ADGB: variants seen among roughly 807,000 people sequenced by gnomAD.
The protein encoded by ADGB is calpain-7-like protein.
A neutral mutation model predicts 210.5 loss-of-function variants in ADGB; 172 were observed. That is an observed-to-expected ratio of 0.82 (90% CI 0.72 to 0.93). The LOEUF is 0.93. ADGB is among the 40% of genes least tolerant of loss of function. The pLI is 0.00. For synonymous variants in ADGB, 658 were observed against 662.7 expected (o/e 0.99, Z 0.11); for missense variants, 2,025 against 1,964.8 (o/e 1.03, Z -0.58).
chr6:146,756,981 C>T (rs1562293562), intron 27 of ADGB, among the ~76,000 whole-genome samples: 1 of 151,996 alleles, frequency 6.6e-6, no homozygotes, highest in Admixed American at 6.6e-5. Context: ...CCTGCATCAG[C>T]TTCCCCAAGG....
chr6:146,716,450 G>C (rs1035130192), intron 14 of ADGB, among the ~76,000 whole-genome samples: 1 of 141,798 alleles, frequency 7.1e-6, no homozygotes, highest in African/African-American at 3.1e-5. Flanking sequence ...AAAATTAGCC[G>C]GGCGCGGTGG....
rs879633707 is a variant in ADGB, at chr6:146,815,418, A to G, written c.*201A>G. Reference sequence around the variant, plus strand: ...GAGTTTAAGATGCTCTAATTTCAATAAAATAGCTTCCAAATATTTAATAAA... The same window carrying G: ...GAGTTTAAGATGCTCTAATTTCAATGAAATAGCTTCCAAATATTTAATAAA... On this transcript the variant is annotated 3_prime_UTR_variant, in exon 36 of 36. Transcript: ENST00000397944. The G allele has an allele frequency of 2.9e-6, 1 of 347,022 alleles. No homozygotes were observed. The highest frequency in any genetic ancestry group is 5.1e-6 in the Non-Finnish European group (1 of 197,986). 21.5% of individuals were successfully genotyped at this position (347,022 alleles called of 1,614,324 possible).
chr6:146,760,762 T>G (rs1043314961), intron 27 of ADGB, among the ~76,000 whole-genome samples: 1 of 151,926 alleles, frequency 6.6e-6, no homozygotes, highest in Non-Finnish European at 1.5e-5. Context: ...TTTCTTACAT[T>G]TATTGCTGTC....
At chr6:146,740,835 A>G (rs1777154743) in intron 24 of ADGB, among the ~76,000 whole-genome samples, 1 of 152,162 alleles carries the variant, frequency 6.6e-6, no homozygotes, top group South Asian at 2.1e-4. Flanking sequence ...AAAATACTAT[A>G]ACAAATTAAT....
chr6:146,808,087 C>T (rs1778241194), intron 35 of ADGB, among the ~76,000 whole-genome samples: 1 of 144,246 alleles, frequency 6.9e-6, no homozygotes, highest in Non-Finnish European at 1.5e-5. Flanking sequence ...GCAACCTCTG[C>T]CTCCCAGGTT....
intron 33 of ADGB, among the ~76,000 whole-genome samples, chr6:146,800,760 A>T (rs1174445831): frequency 6.6e-6 from 1 of 152,188 alleles, no homozygotes; most frequent in African/African-American, 2.4e-5. Context: ...ATGTAAAAAA[A>T]ATCTATTTAT....
In ADGB at chr6:146,740,608, T is replaced by C. The variant is rs531275262; in HGVS notation, c.3023+15T>C. On this transcript the variant is annotated intron_variant, in intron 24 of 35. Coordinates refer to ENST00000397944, the MANE Select transcript of ADGB (RefSeq NM_024694.4). ...ATAGTATTCAGGTGAGGTTGTTATA[T>C]AGTGACAAATATGTCTCTAAATGGC... 2.6e-5 allele frequency: 40 copies of C among 1,547,740 alleles called. No homozygotes were observed. In the East Asian group the frequency reaches 9.1e-4, roughly 35 times the overall value.
chr6:146,629,802 C>T (rs1781032429), intron 1 of ADGB, among the ~76,000 whole-genome samples: 1 of 152,136 alleles, frequency 6.6e-6, no homozygotes, highest in Non-Finnish European at 1.5e-5. Flanking sequence ...CTATTCTAGT[C>T]ATCCTTACTC....
chr6:146,627,148 A>G (rs1780985126), intron 1 of ADGB, among the ~76,000 whole-genome samples: 1 of 151,960 alleles, frequency 6.6e-6, no homozygotes, highest in Admixed American at 6.6e-5. Flanking sequence ...GTGCAAAAGT[A>G]ATTGCTGTTT....
intron 33 of ADGB, among the ~76,000 whole-genome samples, chr6:146,797,949 A>C (rs1356391916): frequency 6.6e-6 from 1 of 151,222 alleles, no homozygotes; most frequent in Non-Finnish European, 1.5e-5. Flanking sequence ...AAATAAGTAA[A>C]TAGTTGGAGA....
At chr6:146,654,000 A>G in intron 3 of ADGB, 135 bp from the exon 4 acceptor site, 1 of 453,320 alleles carries the variant, frequency 2.2e-6, no homozygotes, top group Non-Finnish European at 4.0e-6. Context: ...CTACTGCTCA[A>G]GGTCATTGCC....
chr6:146,797,605 T>C (rs1175715857), intron 33 of ADGB, among the ~76,000 whole-genome samples: 1 of 152,064 alleles, frequency 6.6e-6, no homozygotes, highest in African/African-American at 2.4e-5. Context: ...AATGAAATAA[T>C]GGCATTCACA....
At chr6:146,693,020 T>A (rs879047779) in intron 12 of ADGB, 105 bp downstream of exon 12, 1 of 642,780 alleles carries the variant, frequency 1.6e-6, no homozygotes, top group South Asian at 2.4e-5. Flanking sequence ...AGAATAGTAA[T>A]TTTAAAATAA....
Position 146,680,971 on chromosome 6 carries a change from T to C in ADGB, c.1216+4530T>C, listed in dbSNP as rs1776149369. ...CTATACCAGTGGGAAGTAAAAGAGC[T>C]TGGAGGATTGCAGGTGCAAGGTGTT... On this transcript the variant is annotated intron_variant, in intron 9 of 35. Transcript: ENST00000397944. Among the ~76,000 whole-genome samples, 2 of 152,156 alleles carry C rather than the reference T, an allele frequency of 1.3e-5. 1 individual carries two copies. The highest frequency in any genetic ancestry group is 4.1e-4 in the South Asian group (2 of 4,834).
At chr6:146,619,428 T>A (rs998916757) in intron 1 of ADGB, among the ~76,000 whole-genome samples, 37 of 152,168 alleles carry the variant, frequency 2.4e-4, no homozygotes, top group African/African-American at 8.7e-4. Flanking sequence ...TTTGGGATTT[T>A]AAAATAGATC....
At chr6:146,626,980 A>C (rs1298694204) in intron 1 of ADGB, among the ~76,000 whole-genome samples, 2 of 151,982 alleles carry the variant, frequency 1.3e-5, no homozygotes, top group African/African-American at 2.4e-5. Context: ...ATCTTCTAAA[A>C]TTCATTAATC....
At chr6:146,688,118 T>A (rs1044655026) in intron 10 of ADGB, among the ~76,000 whole-genome samples, 13 of 152,070 alleles carry the variant, frequency 8.5e-5, no homozygotes, top group African/African-American at 3.1e-4. Context: ...TAAGCAAGAT[T>A]GACAAAGTTC....
In ADGB at chr6:146,782,060, C is replaced by T. The variant is rs569185405; in HGVS notation, c.3903C>T (p.Ser1301=). 2.4e-4 allele frequency: 362 copies of T among 1,521,294 alleles called. 1 individual carries two copies. In the Middle Eastern group the frequency reaches 2.7e-3, roughly 11 times the overall value. The allele number at this position is 1,521,294 out of a possible 1,614,324, so 94.2% of individuals were successfully genotyped here. A position where few individuals can be genotyped will look rare whatever the true frequency, so the allele number is the denominator to read the frequency against. ...ACGAGGAGTTAATTAACTTAGGAAG[C>T]CCAGACTCCCACACTATTAGTGAGG... is the stretch of plus-strand genomic sequence containing the variant. The part of the protein sequence containing the change: ...ERHEELINLG[S]PDSHTISEGQ... Residue 1301 remains serine (S), a synonymous_variant, in exon 30 of 36, where the codon AGC becomes AGT. Transcript: ENST00000397944.
At chr6:146,616,603 G>A (rs1780802922) in intron 1 of ADGB, among the ~76,000 whole-genome samples, 1 of 152,028 alleles carries the variant, frequency 6.6e-6, no homozygotes, top group South Asian at 2.1e-4. Context: ...CTTGATCTTT[G>A]CATATGGTGA....
Sources: allele counts gnomAD v4.1 joint callset (sites outside exome capture counted in the v4.1 genomes callset), GRCh38; gene constraint gnomAD v4.1.1; transcripts MANE v1.5; gene names NCBI Gene and HGNC (gene_info 2026-07-23, HGNC 2026-07-21).